Variants in FAP observed in about 807,000 individuals in gnomAD.
FAP encodes prolyl endopeptidase FAP.
A neutral mutation model predicts 126.5 loss-of-function variants in FAP; 110 were observed. The ratio of observed to expected loss-of-function variants is 0.87; its 90% CI spans 0.74 to 1.02. The LOEUF is 1.02. Among genes scored for constraint, FAP ranks in the 50% least tolerant of loss-of-function variants. FAP has a pLI of 0.00. For missense variants in FAP, 919 were observed against 909.2 expected, an observed-to-expected ratio of 1.01 and a Z score of -0.14; for synonymous variants, 334 against 297.3, an observed-to-expected ratio of 1.12 and a Z score of -1.27.
At chr2:162,199,225 T>C (rs1296907867) in intron 15 of FAP, among the ~76,000 whole-genome samples, 1 of 152,218 alleles carries the variant, frequency 6.6e-6, no homozygotes, top group African/African-American at 2.4e-5. Flanking sequence ...GTTCTTCGTC[T>C]TTCTATCTCT....
intron 9 of FAP, among the ~76,000 whole-genome samples, chr2:162,217,572 A>G (rs1689201722): frequency 6.6e-6 from 1 of 152,184 alleles, no homozygotes. Context: ...ACCATAACCC[A>G]TGCCTGCTTC....
chr2:162,221,633 G>A, intron 6 of FAP: 2 of 456,370 alleles, frequency 4.4e-6, no homozygotes, highest in Non-Finnish European at 8.8e-6. Flanking sequence ...TACATACAGT[G>A]GAATTATCTA....
At chr2:162,175,056 T>A in intron 21 of FAP, 90 bp from the exon 22 acceptor site, 1 of 858,542 alleles carries the variant, frequency 1.2e-6, no homozygotes, top group Non-Finnish European at 1.9e-6. Flanking sequence ...CAATCCGGAC[T>A]GAAGGGAGCT....
chr2:162,233,355 A>G (rs1689977312), intron 2 of FAP, among the ~76,000 whole-genome samples: 1 of 151,632 alleles, frequency 6.6e-6, no homozygotes, highest in African/African-American at 2.4e-5. Context: ...CTCTATTTCT[A>G]CTGCACCCCC....
chr2:162,191,301 A>G (rs2106230215), intron 17 of FAP, among the ~76,000 whole-genome samples: 1 of 152,224 alleles, frequency 6.6e-6, no homozygotes, highest in Non-Finnish European at 1.5e-5. Flanking sequence ...TGCAAAATTT[A>G]ATCTAAATGC....
chr2:162,242,035 C>A (rs1690372671), intron 2 of FAP, among the ~76,000 whole-genome samples: 1 of 152,018 alleles, frequency 6.6e-6, no homozygotes, highest in Admixed American at 6.5e-5. Flanking sequence ...AACTTTTAAC[C>A]AAGATATTTC....
intron 9 of FAP, 100 bp downstream of exon 9, chr2:162,217,883 TAAG>T (rs1689214463): frequency 1.2e-6 from 1 of 817,206 alleles, no homozygotes; most frequent in African/African-American, 1.8e-5. Flanking sequence ...TGCTCAAGGA[TAAG>T]AAGCTCTCCA....
chr2:162,192,030 T>C (rs1482678626), intron 17 of FAP, among the ~76,000 whole-genome samples: 1 of 152,124 alleles, frequency 6.6e-6, no homozygotes, highest in Non-Finnish European at 1.5e-5. Context: ...CCCTCCTCTA[T>C]GTTTTCCTTC....
intron 17 of FAP, among the ~76,000 whole-genome samples, chr2:162,192,447 C>A (rs1237570753): frequency 1.3e-5 from 2 of 152,092 alleles, no homozygotes; most frequent in African/African-American, 2.4e-5. Context: ...CCTTCTTGGT[C>A]TCCTCTCCAG....
intron 4 of FAP, among the ~76,000 whole-genome samples, chr2:162,225,183 G>T (rs532730067): frequency 6.6e-6 from 1 of 152,208 alleles, no homozygotes; most frequent in East Asian, 1.9e-4. Flanking sequence ...AACCTTTCAC[G>T]ACCAGTAAGG....
At chr2:162,208,081 C>A (rs536719750) in intron 12 of FAP, among the ~76,000 whole-genome samples, 5 of 151,604 alleles carry the variant, frequency 3.3e-5, no homozygotes, top group Admixed American at 1.3e-4. Flanking sequence ...CACGGTGAAA[C>A]CCCGTCTCTA....
At position 162,210,128 on chromosome 2, in the gene FAP, G is replaced by C. The variant is rs1688865546; in HGVS notation, c.1003-132C>G. The stretch of plus-strand genomic sequence containing the variant: ...TTACTAGTCAACTAACTTCAAATTT[G>C]AGTTTAAAAGGACAATATTAAAAAT... On this transcript the variant is annotated intron_variant, in intron 11 of 25. Transcript: ENST00000188790. The C allele has an allele frequency of 5.8e-6, 4 of 694,112 alleles. No homozygotes were observed. In the Middle Eastern group the frequency reaches 1.1e-3, roughly 199 times the overall value. 43.0% of individuals were successfully genotyped at this position (694,112 alleles called of 1,614,324 possible). A position where few individuals can be genotyped will look rare whatever the true frequency, so the allele number is the denominator to read the frequency against.
chr2:162,174,398 A>G (rs1329131484), intron 22 of FAP, among the ~76,000 whole-genome samples: 1 of 152,188 alleles, frequency 6.6e-6, no homozygotes, highest in African/African-American at 2.4e-5. Flanking sequence ...GCATTGATGT[A>G]ATGATAAAAA....
chr2:162,191,773 T>G (rs1688055825), intron 17 of FAP, among the ~76,000 whole-genome samples: 1 of 152,152 alleles, frequency 6.6e-6, no homozygotes, highest in African/African-American at 2.4e-5. Flanking sequence ...CCAAAGCAAC[T>G]AAGCTTTAAC....
Position 162,170,799 on chromosome 2 carries a change from T to G in FAP, c.*180A>C. On this transcript the variant is annotated 3_prime_UTR_variant, in exon 26 of 26. Transcript: ENST00000188790. ...TCTTCTTTCACAGAGTACCAGAAAA[T>G]GTAAACAATATTTAGCTTGAACTTC... 1 of 549,716 alleles carries G rather than the reference T, an allele frequency of 1.8e-6. No homozygotes were observed. The highest frequency in any genetic ancestry group is 3.2e-6 in the Non-Finnish European group (1 of 309,234). 34.1% of individuals were successfully genotyped at this position (549,716 alleles called of 1,614,324 possible). A position where few individuals can be genotyped will look rare whatever the true frequency, so the allele number is the denominator to read the frequency against.
intron 21 of FAP, among the ~76,000 whole-genome samples, chr2:162,179,840 G>T (rs1210680733): frequency 7.5e-6 from 1 of 132,626 alleles, no homozygotes; most frequent in African/African-American, 2.9e-5. Flanking sequence ...ATGGAGTCTC[G>T]CTCTGTTGCC....
In FAP at chr2:162,189,180, GA is replaced by G. The variant is rs752602628; in HGVS notation, c.1550-9del. On this transcript the variant is annotated splice_polypyrimidine_tract_variant and intron_variant, in intron 18 of 25. Transcript: ENST00000188790. ...TCATCTTGTACCATAAAGCTTTGAGGAAAAAAAAAGGAGAAAAATCTTCATT... is the reference window on the plus strand; with the variant it reads ...TCATCTTGTACCATAAAGCTTTGAGGAAAAAAAAGGAGAAAAATCTTCATT... 2.3e-4 allele frequency: 351 copies of G among 1,534,248 alleles called. No homozygotes were observed. Among genetic ancestry groups the G allele is most frequent in the South Asian group, 5.6e-4 (45 of 81,048 alleles).
chr2:162,203,954 C>T (rs531082990), intron 12 of FAP, among the ~76,000 whole-genome samples: 1 of 152,132 alleles, frequency 6.6e-6, no homozygotes, highest in East Asian at 1.9e-4. Context: ...ATTGACTTGT[C>T]TTACATTTGC....
intron 5 of FAP, 110 bp from the exon 6 acceptor site, chr2:162,223,770 AC>A (rs1304738021): frequency 1.8e-5 from 13 of 706,202 alleles, no homozygotes; most frequent in Non-Finnish European, 3.1e-5. Flanking sequence ...TAAAAGGACT[AC>A]TTTCACAAGG....
Sources: allele counts gnomAD v4.1 joint callset (sites outside exome capture counted in the v4.1 genomes callset), GRCh38; gene constraint gnomAD v4.1.1; transcripts MANE v1.5; gene names NCBI Gene and HGNC (gene_info 2026-07-23, HGNC 2026-07-21).